The following NELL1 variants were observed in gnomAD, a reference collection of about 807,000 sequenced individuals.
NELL1 encodes the protein protein kinase C-binding protein NELL1.
A neutral mutation model predicts 107.4 loss-of-function variants in NELL1; 76 were observed. The observed-to-expected ratio is 0.71, with a 90% confidence interval of 0.59 to 0.86. The LOEUF is 0.86. NELL1 is among the 40% of genes least tolerant of loss of function. NELL1 has a pLI of 0.00. For synonymous variants in NELL1, 353 were observed against 341.2 expected (o/e 1.03, Z -0.38); for missense variants, 1,024 against 1,005.5 (o/e 1.02, Z -0.25).
chr11:20,847,780 G>A, intron 4 of NELL1, 27 bp downstream of exon 4: 3 of 1,578,346 alleles, frequency 1.9e-6, no homozygotes, highest in Non-Finnish European at 2.6e-6. Context: ...GAGTGTTGCT[G>A]ATTCTGCCCT....
chr11:20,700,036 C>T (rs904465441), intron 2 of NELL1, among the ~76,000 whole-genome samples: 11 of 54,926 alleles, frequency 2.0e-4, no homozygotes, highest in Non-Finnish European at 3.4e-4. Flanking sequence ...TAATTAGGGA[C>T]GTAGAACTTT....
At chr11:20,926,145 T>A (rs1377805917) in intron 7 of NELL1, among the ~76,000 whole-genome samples, 1 of 152,190 alleles carries the variant, frequency 6.6e-6, no homozygotes, top group African/African-American at 2.4e-5. Flanking sequence ...GTGGTCTCTA[T>A]GTAAGGGAAA....
chr11:21,147,142 C>T (rs1344417954), intron 13 of NELL1, among the ~76,000 whole-genome samples: 2 of 152,138 alleles, frequency 1.3e-5, no homozygotes, highest in African/African-American at 4.8e-5. Context: ...CTTAGAACCC[C>T]TTTTAGTGAG....
intron 15 of NELL1, among the ~76,000 whole-genome samples, chr11:21,425,935 T>G (rs1338731624): frequency 6.6e-6 from 1 of 152,184 alleles, no homozygotes; most frequent in Non-Finnish European, 1.5e-5. Context: ...GAAAGCTGTT[T>G]ATAAATGTGG....
At chr11:21,127,897 A>G (rs551357739) in intron 13 of NELL1, among the ~76,000 whole-genome samples, 1 of 152,318 alleles carries the variant, frequency 6.6e-6, no homozygotes, top group East Asian at 1.9e-4. Flanking sequence ...AGCTGTTACT[A>G]CATTAGAGAA....
At chr11:21,259,426 G>A (rs1272433720) in intron 14 of NELL1, among the ~76,000 whole-genome samples, 1 of 151,960 alleles carries the variant, frequency 6.6e-6, no homozygotes, top group Non-Finnish European at 1.5e-5. Context: ...GACTTTTGGG[G>A]CAGAGGAATA....
At chr11:21,433,165 T>C (rs542652567) in intron 15 of NELL1, among the ~76,000 whole-genome samples, 1 of 152,308 alleles carries the variant, frequency 6.6e-6, no homozygotes, top group Non-Finnish European at 1.5e-5. Context: ...TTTCACTTCA[T>C]ATTAATATTC....
At chr11:21,468,696 C>T (rs1854095626) in intron 15 of NELL1, among the ~76,000 whole-genome samples, 1 of 151,990 alleles carries the variant, frequency 6.6e-6, no homozygotes, top group Non-Finnish European at 1.5e-5. Context: ...ATTCGAAAGC[C>T]CTCTTTAGCT....
At chr11:21,364,787 G>A (rs1355691823) in intron 14 of NELL1, among the ~76,000 whole-genome samples, 1 of 152,120 alleles carries the variant, frequency 6.6e-6, no homozygotes, top group South Asian at 2.1e-4. Flanking sequence ...TGTGCCTTAA[G>A]GTAACCAACA....
At chr11:20,907,537 A>C (rs1432430053) in intron 5 of NELL1, among the ~76,000 whole-genome samples, 1 of 152,094 alleles carries the variant, frequency 6.6e-6, no homozygotes, top group Non-Finnish European at 1.5e-5. Flanking sequence ...TTCATACCCC[A>C]CCAGTTATAA....
chr11:21,490,912 G>C (rs572595368), intron 15 of NELL1, among the ~76,000 whole-genome samples: 1 of 151,988 alleles, frequency 6.6e-6, no homozygotes, highest in Non-Finnish European at 1.5e-5. Flanking sequence ...GGCTAAGACC[G>C]CAACAGCACA....
intron 12 of NELL1, among the ~76,000 whole-genome samples, chr11:21,065,151 T>C (rs1853837858): frequency 1.3e-5 from 2 of 152,162 alleles, no homozygotes; most frequent in Admixed American, 1.3e-4. Flanking sequence ...AAAAACCTTA[T>C]AGGCTCATAA....
intron 12 of NELL1, among the ~76,000 whole-genome samples, chr11:21,105,402 G>C (rs73462585): frequency 6.6e-6 from 1 of 151,994 alleles, no homozygotes; most frequent in Non-Finnish European, 1.5e-5. Context: ...TGGTGTTTAC[G>C]TCACACTCAA....
chr11:21,060,306 TTCCTTCATA>T (rs1386536484), intron 12 of NELL1, among the ~76,000 whole-genome samples: 1 of 152,208 alleles, frequency 6.6e-6, no homozygotes, highest in Non-Finnish European at 1.5e-5. Flanking sequence ...AAAATTTTAT[TTCCTTCATA>T]GGATTGTTGT....
At chr11:21,098,735 T>A (rs1336005127) in intron 12 of NELL1, among the ~76,000 whole-genome samples, 1 of 152,050 alleles carries the variant, frequency 6.6e-6, no homozygotes, top group Non-Finnish European at 1.5e-5. Context: ...TTACTCCAGG[T>A]TTTTCCCCCA....
intron 15 of NELL1, among the ~76,000 whole-genome samples, chr11:21,518,166 C>T (rs979814631): frequency 2.6e-5 from 4 of 151,726 alleles, no homozygotes. Context: ...GCTGATTTTC[C>T]CCCTTTCAGA....
At chr11:20,674,856 C>T (rs999666119) in intron 1 of NELL1, among the ~76,000 whole-genome samples, 9 of 152,150 alleles carry the variant, frequency 5.9e-5, no homozygotes, top group Admixed American at 2.0e-4. Flanking sequence ...GAGATTTGAG[C>T]GTCTTAAGGA....
chr11:20,819,582 A>T (rs1857704120), intron 3 of NELL1, among the ~76,000 whole-genome samples: 1 of 152,196 alleles, frequency 6.6e-6, no homozygotes, highest in Non-Finnish European at 1.5e-5. Context: ...GAGACTTTTA[A>T]AATTGTCTAA....
intron 14 of NELL1, among the ~76,000 whole-genome samples, chr11:21,273,845 C>G (rs374764887): frequency 6.6e-6 from 1 of 152,222 alleles, no homozygotes; most frequent in South Asian, 2.1e-4. Flanking sequence ...TACAGACAAG[C>G]AAATGCTGAG....
Sources: gnomAD v4.1 joint callset for allele counts (sites outside exome capture counted in the v4.1 genomes callset) on GRCh38, gnomAD v4.1.1 for gene constraint, MANE v1.5 for transcripts, NCBI Gene and HGNC (gene_info 2026-07-23, HGNC 2026-07-21) for gene names.